The following SERPINF1 variants were observed in gnomAD, a reference collection of about 807,000 sequenced individuals.
SERPINF1 encodes the protein serpin family F member 1.
Under a neutral mutation model 37.3 loss-of-function variants are expected in SERPINF1, and 29 were observed. The observed-to-expected ratio is 0.78, with a 90% CI of 0.58 to 1.06. The LOEUF (loss-of-function observed/expected upper bound fraction) is 1.06. Ranked by LOEUF, SERPINF1 falls within the 50% of genes least tolerant of loss-of-function variation. The pLI is 0.00. For missense variants in SERPINF1, 553 were observed against 532.2 expected, an observed-to-expected ratio of 1.04 and a Z score of -0.38; for synonymous variants, 281 against 227.9, an observed-to-expected ratio of 1.23 and a Z score of -2.10.
At chr17:1,768,711 A>G (rs1231698792) in intron 2 of SERPINF1, among the ~76,000 whole-genome samples, 1 of 152,000 alleles carries the variant, frequency 6.6e-6, no homozygotes, top group Non-Finnish European at 1.5e-5. Flanking sequence ...TCCTGAGCTC[A>G]AGTGATCCAT....
chr17:1,772,068 C>T lies in SERPINF1; in HGVS notation c.636C>T (p.His212=), dbSNP rs1907779001. ...GCATTCTCCTTCTCGGTGTGGCGCA[C>T]TTCAAGGGTGAGCGCGTCTCCAATT... ...EISILLLGVA[H]FKGQWVTKFD... Residue 212 remains histidine (H), a synonymous_variant, in exon 5 of 8, where the codon CAC becomes CAT. Transcript: ENST00000254722. The T allele has an allele frequency of 6.2e-7, 1 of 1,608,720 alleles. No individual in the cohort carries two copies.
chr17:1,763,222 G>T (rs1288807765), intron 1 of SERPINF1, among the ~76,000 whole-genome samples: 1 of 152,220 alleles, frequency 6.6e-6, no homozygotes, highest in African/African-American at 2.4e-5. Flanking sequence ...TGAAGGCTGT[G>T]CGGTTCTGGG....
At chr17:1,769,408 C>CA (rs36107647) in intron 2 of SERPINF1, among the ~76,000 whole-genome samples, 52,347 of 120,330 alleles carry the variant, frequency 0.44, 11,838 homozygotes, top group African/African-American at 0.67. Context: ...GACTCCGTCT[C>CA]AAAAAAAAAA....
chr17:1,770,161 G>A, intron 3 of SERPINF1, 111 bp downstream of exon 3: 6 of 1,209,424 alleles, frequency 5.0e-6, no homozygotes, highest in Non-Finnish European at 7.1e-6. Context: ...GGGTGAAGTA[G>A]CACCAGGGGC....
At position 1,769,894 on chromosome 17, in the gene SERPINF1, G is replaced by T; in HGVS notation, c.127G>T (p.Glu43Ter). The T allele has an allele frequency of 6.2e-7, 1 of 1,614,188 alleles. No homozygotes were observed. Among genetic ancestry groups the T allele is most frequent in the Non-Finnish European group, 8.5e-7 (1 of 1,180,034 alleles). Residue 43 changes from glutamate (E) to a stop codon, truncating the protein, a stop_gained, in exon 3 of 8, where the codon GAG becomes TAG. Coordinates refer to ENST00000254722, the MANE Select transcript of SERPINF1 (RefSeq NM_002615.7). LOFTEE classifies it high-confidence loss of function. ...PDSTGALVEEEDPFFKVPVNK... is the reference protein window; with the variant it reads ...PDSTGALVEE ...CAGCACAGGGGCGCTGGTGGAGGAG[G>T]AGGATCCTTTCTTCAAAGTCCCCGT...
At chr17:1,770,249 C>G (rs1198275501) in intron 3 of SERPINF1, among the ~76,000 whole-genome samples, 199 bp downstream of exon 3, 1 of 152,192 alleles carries the variant, frequency 6.6e-6, no homozygotes, top group African/African-American at 2.4e-5. Flanking sequence ...CCGAAAGGGG[C>G]TGGGCACCAC....
At chr17:1,764,824 C>T (rs1939740920) in intron 1 of SERPINF1, among the ~76,000 whole-genome samples, 1 of 147,476 alleles carries the variant, frequency 6.8e-6, no homozygotes. Flanking sequence ...CAACGCTGTT[C>T]AGATTCTACA....
In SERPINF1 at chr17:1,765,847, G is replaced by A. The variant is rs1236777196; in HGVS notation, c.-8-1056G>A. 3.7e-5 allele frequency among the ~76,000 whole-genome samples: 5 copies of A among 135,894 alleles called. No individual in the cohort carries two copies. In the East Asian group the frequency reaches 1.1e-3, roughly 29 times the overall value. 89.2% of individuals were successfully genotyped at this position (135,894 alleles called of 152,430 possible). A position where few individuals can be genotyped will look rare whatever the true frequency, so the allele number is the denominator to read the frequency against. ...TAGCCACTACACTCCAGCCTGGGCA[G>A]CACAGCAAGATCTTGTCTCCCAAAA... On this transcript the variant is annotated intron_variant, in intron 1 of 7. Transcript: ENST00000254722.
rs1907962950 is a variant in SERPINF1, at chr17:1,775,294, G to A, written c.786+94G>A. The A allele has an allele frequency of 2.1e-5, 28 of 1,314,732 alleles. No individual in the cohort carries two copies. The South Asian group carries it at 2.1e-4, about 10-fold the overall frequency. The allele number at this position is 1,314,732 out of a possible 1,614,324, so 81.4% of individuals were successfully genotyped here. A position where few individuals can be genotyped will look rare whatever the true frequency, so the allele number is the denominator to read the frequency against. On this transcript the variant is annotated intron_variant, in intron 6 of 7. Transcript: ENST00000254722. ...GGGAATAAAATGACCTTTGAGATCC[G>A]ACAGCTGTCTACATGTCGCCTGCTG...
At chr17:1,770,198 G>C in intron 3 of SERPINF1, 148 bp downstream of exon 3, 1 of 854,668 alleles carries the variant, frequency 1.2e-6, no homozygotes, top group South Asian at 1.6e-5. Context: ...AGCTGTGTAA[G>C]CAGGAGCTCA....
chr17:1,770,187 C>T lies in SERPINF1; in HGVS notation c.283+137C>T, dbSNP rs1051116341. ...CACCAGGGGCCTGGCCTGGGGGTCC[C>T]AGCTGTGTAAGCAGGAGCTCAGGGG... On this transcript the variant is annotated intron_variant, in intron 3 of 7. Transcript: ENST00000254722. 8.5e-6 allele frequency: 8 copies of T among 942,494 alleles called. No homozygotes were observed. In the African/African-American group the frequency reaches 1.1e-4, roughly 13 times the overall value. 58.4% of individuals were successfully genotyped at this position (942,494 alleles called of 1,614,324 possible). A position where few individuals can be genotyped will look rare whatever the true frequency, so the allele number is the denominator to read the frequency against.
chr17:1,767,429 A>G (rs781228650), intron 2 of SERPINF1, among the ~76,000 whole-genome samples: 52 of 152,164 alleles, frequency 3.4e-4, no homozygotes, highest in Non-Finnish European at 5.6e-4. Context: ...GGTGTGAGCC[A>G]CCGCACCTGG....
At chr17:1,770,641 G>A (rs1907669693) in intron 3 of SERPINF1, 4 of 283,204 alleles carry the variant, frequency 1.4e-5, no homozygotes, top group Non-Finnish European at 2.8e-5. Context: ...TGTATTTTTA[G>A]TAGAGACGGG....
chr17:1,763,039 C>T (rs1907177639), intron 1 of SERPINF1, among the ~76,000 whole-genome samples: 1 of 152,158 alleles, frequency 6.6e-6, no homozygotes, highest in African/African-American at 2.4e-5. Context: ...TGGGGAAGTG[C>T]AACTCCACGG....
In SERPINF1 at chr17:1,776,667, G is replaced by A. The variant is rs1908050432; in HGVS notation, c.922G>A (p.Val308Met). 6 of 1,613,872 alleles carry A rather than the reference G, an allele frequency of 3.7e-6. No individual in the cohort carries two copies. The highest frequency in any genetic ancestry group is 1.6e-4 in the Middle Eastern group (1 of 6,062). Reference protein sequence around the residue: ...IHDIDRELKTVQAVLTVPKLK... With the variant: ...IHDIDRELKTMQAVLTVPKLK... Reference sequence around the variant, plus strand: ...TGACATAGACCGAGAACTGAAGACCGTGCAGGCGGTCCTCACTGTCCCCAA... The same window carrying A: ...TGACATAGACCGAGAACTGAAGACCATGCAGGCGGTCCTCACTGTCCCCAA... The change falls in exon 7 of 8, where the codon GTG (valine) becomes ATG (methionine). Residue 308 changes from valine to methionine, a missense_variant. By Grantham distance (21) the Val-to-Met change is conservative. Coordinates refer to ENST00000254722, the MANE Select transcript of SERPINF1 (RefSeq NM_002615.7).
At chr17:1,774,953 C>G in intron 5 of SERPINF1, 105 bp from the exon 6 acceptor site, 1 of 1,445,322 alleles carries the variant, frequency 6.9e-7, no homozygotes, top group Admixed American at 1.7e-5. Flanking sequence ...CAGCTAAGCT[C>G]CCTTGAGTGG....
chr17:1,766,528 C>T (rs1030420018), intron 1 of SERPINF1: 1 of 151,398 alleles, frequency 6.6e-6, no homozygotes, highest in Non-Finnish European at 1.5e-5. Context: ...TGTACTCCAG[C>T]CTGGGCGACA....
chr17:1,771,035 A>T lies in SERPINF1; in HGVS notation c.290A>T (p.Glu97Val). 6.2e-7 allele frequency: 1 copy of T among 1,613,996 alleles called. No individual in the cohort carries two copies. Among genetic ancestry groups the T allele is most frequent in the East Asian group, 2.2e-5 (1 of 44,864 alleles). Residue 97 changes from glutamate (E) to valine (V), a missense_variant, in exon 4 of 8, where the codon GAG becomes GTG. Coordinates refer to ENST00000254722, the MANE Select transcript of SERPINF1 (RefSeq NM_002615.7). ...ACATCCTTGTCTCTGGCAGGAGCGG[A>T]GCAGCGAACAGAATCCATCATTCAC... The part of the protein sequence containing the change: ...TALSALSLGA[E>V]QRTESIIHRA...
At chr17:1,771,840 C>G (rs1211498866) in intron 4 of SERPINF1, 32 bp from the exon 5 acceptor site, 2 of 1,602,452 alleles carry the variant, frequency 1.2e-6, no homozygotes, top group African/African-American at 2.7e-5. Context: ...CGTCGAGTCT[C>G]ATACGCTAAC....
Sources: allele counts gnomAD v4.1 joint callset (sites outside exome capture counted in the v4.1 genomes callset), GRCh38; gene constraint gnomAD v4.1.1; transcripts MANE v1.5; gene names NCBI Gene and HGNC (gene_info 2026-07-23, HGNC 2026-07-21).